Variants in SLX9 observed in about 807,000 individuals in gnomAD.
SLX9 encodes the protein SLX9 ribosome biogenesis factor, also known as ribosome biogenesis protein SLX9 homolog.
Under a neutral mutation model 20.8 loss-of-function variants are expected in SLX9, and 19 were observed. That is an observed-to-expected ratio of 0.91 (90% CI 0.64 to 1.34). The LOEUF is 1.34. Among genes scored for constraint, SLX9 ranks in the 40% most tolerant of loss-of-function variants. The pLI is 0.00. For missense variants in SLX9, 299 were observed against 322.2 expected (o/e 0.93, Z 0.55); for synonymous variants, 113 against 137.1 (o/e 0.82, Z 1.23).
At chr21:44,960,425 G>A (rs527990422) in intron 3 of SLX9, among the ~76,000 whole-genome samples, 42 of 152,372 alleles carry the variant, frequency 2.8e-4, no homozygotes, top group African/African-American at 8.9e-4. Flanking sequence ...CACCCCGTCC[G>A]TGTGGGCACC....
At chr21:44,943,264 TGGTC>T (rs961007417) in intron 1 of SLX9, among the ~76,000 whole-genome samples, 3 of 152,354 alleles carry the variant, frequency 2.0e-5, no homozygotes, top group African/African-American at 7.2e-5. Flanking sequence ...TGATGGGATG[TGGTC>T]AGTCTGAGCT....
intron 3 of SLX9, among the ~76,000 whole-genome samples, chr21:44,965,863 G>C (rs2085024471): frequency 1.3e-5 from 2 of 152,116 alleles, no homozygotes; most frequent in Admixed American, 6.5e-5. Context: ...CCCTACCCCA[G>C]CTTCCAGGGT....
intron 5 of SLX9, 21 bp from the exon 6 acceptor site, chr21:44,976,659 C>A (rs758175745): frequency 6.3e-7 from 1 of 1,575,534 alleles, no homozygotes; most frequent in Admixed American, 1.8e-5. Flanking sequence ...GCCTGCTGAT[C>A]TGTGGTCTCC....
In SLX9 at chr21:44,968,511, G is replaced by A. The variant is rs1189079536; in HGVS notation, c.500+1330G>A. 2.6e-5 allele frequency among the ~76,000 whole-genome samples: 4 copies of A among 152,224 alleles called. No individual in the cohort carries two copies. In the East Asian group the frequency reaches 7.7e-4, roughly 29 times the overall value. ...CTGCTGATAAGCTGCTGCCTGTGGC[G>A]CCCGTCTCCCAGGAGCTTGGCTTTC... On this transcript the variant is annotated intron_variant, in intron 4 of 5. Coordinates refer to ENST00000291634, the MANE Select transcript of SLX9 (RefSeq NM_058190.4).
intron 5 of SLX9, among the ~76,000 whole-genome samples, chr21:44,976,204 A>T (rs998920222): frequency 6.6e-6 from 1 of 152,232 alleles, no homozygotes; most frequent in African/African-American, 2.4e-5. Context: ...AGCTGGTGCC[A>T]TGCTGGGTCG....
intron 4 of SLX9, among the ~76,000 whole-genome samples, chr21:44,971,256 G>T (rs1471081837): frequency 1.3e-5 from 2 of 152,224 alleles, no homozygotes; most frequent in African/African-American, 4.8e-5. Context: ...GGCGGAGTTA[G>T]GCTCCAATTC....
At chr21:44,947,370 A>C (rs1368011850) in intron 2 of SLX9, among the ~76,000 whole-genome samples, 1 of 152,158 alleles carries the variant, frequency 6.6e-6, no homozygotes, top group Non-Finnish European at 1.5e-5. Context: ...CAGGAATAGC[A>C]CTGCATGCTG....
At chr21:44,950,451 C>T (rs1390976276) in intron 2 of SLX9, among the ~76,000 whole-genome samples, 8 of 152,258 alleles carry the variant, frequency 5.3e-5, no homozygotes, top group Admixed American at 1.3e-4. Context: ...CGTCACCTGC[C>T]TTGGCTGCGT....
At chr21:44,948,137 C>G (rs561400993) in intron 2 of SLX9, among the ~76,000 whole-genome samples, 1 of 152,256 alleles carries the variant, frequency 6.6e-6, no homozygotes, top group Non-Finnish European at 1.5e-5. Flanking sequence ...TCCTTGGCAT[C>G]GGACATCCGG....
chr21:44,975,799 G>C (rs1191782025), intron 5 of SLX9, among the ~76,000 whole-genome samples: 1 of 152,256 alleles, frequency 6.6e-6, no homozygotes, highest in African/African-American at 2.4e-5. Context: ...GCAGAGCCCT[G>C]ACCGCCTCCT....
chr21:44,939,919 G>A, upstream of SLX9: 2 of 884,940 alleles, frequency 2.3e-6, no homozygotes, highest in Non-Finnish European at 3.2e-6. Context: ...GCGACCCTGC[G>A]CCCGCCCGAG....
At chr21:44,964,455 C>T (rs923618836) in intron 3 of SLX9, among the ~76,000 whole-genome samples, 3 of 152,220 alleles carry the variant, frequency 2.0e-5, no homozygotes, top group Non-Finnish European at 4.4e-5. Flanking sequence ...CCTCCCGTTG[C>T]AGGGCCCTCC....
At chr21:44,950,216 T>G (rs2146624130) in intron 2 of SLX9, among the ~76,000 whole-genome samples, 1 of 152,044 alleles carries the variant, frequency 6.6e-6, no homozygotes, top group East Asian at 1.9e-4. Context: ...GAGCTCATTT[T>G]CTGCTATTTT....
At chr21:44,962,958 T>A (rs2084970656) in intron 3 of SLX9, among the ~76,000 whole-genome samples, 1 of 152,244 alleles carries the variant, frequency 6.6e-6, no homozygotes, top group South Asian at 2.1e-4. Context: ...GTCAGTGAAA[T>A]TCATTTTTCA....
At chr21:44,946,322 G>A (rs908675527) in intron 2 of SLX9, among the ~76,000 whole-genome samples, 41 of 152,170 alleles carry the variant, frequency 2.7e-4, no homozygotes, top group African/African-American at 9.4e-4. Context: ...AGCGTGGCCC[G>A]TTCTGGCGCT....
intron 2 of SLX9, among the ~76,000 whole-genome samples, chr21:44,948,008 A>G (rs953197764): frequency 3.9e-5 from 6 of 152,164 alleles, no homozygotes; most frequent in Non-Finnish European, 8.8e-5. Flanking sequence ...CCCCCAACGC[A>G]GTGCCACCTG....
Position 44,966,971 on chromosome 21 carries a change from G to T in SLX9, c.353-63G>T. ...CTGCCAGGTCTCTCGTGGGCCAGAG[G>T]CTCTGGGCCTGGGCTCCTCCTCTGC... On this transcript the variant is annotated intron_variant, in intron 3 of 5. Coordinates refer to ENST00000291634, the MANE Select transcript of SLX9 (RefSeq NM_058190.4). 3.2e-6 allele frequency: 5 copies of T among 1,553,404 alleles called. No homozygotes were observed. The Admixed American group carries it at 7.7e-5, about 24-fold the overall frequency.
At chr21:44,953,500 C>T (rs896860294) in intron 2 of SLX9, among the ~76,000 whole-genome samples, 3 of 151,838 alleles carry the variant, frequency 2.0e-5, no homozygotes, top group African/African-American at 4.8e-5. Flanking sequence ...CCATCCCCGG[C>T]GGTGGGGCCC....
intron 2 of SLX9, 34 bp downstream of exon 2, chr21:44,943,871 C>A (rs1021438732): frequency 1.2e-6 from 2 of 1,613,362 alleles, no homozygotes; most frequent in African/African-American, 2.7e-5. Context: ...CATGCTGATA[C>A]CCAGCAGGTC....
Sources: gnomAD v4.1 joint callset for allele counts (sites outside exome capture counted in the v4.1 genomes callset) on GRCh38, gnomAD v4.1.1 for gene constraint, MANE v1.5 for transcripts, NCBI Gene and HGNC (gene_info 2026-07-23, HGNC 2026-07-21) for gene names.